The following NAP1L1 variants were observed in gnomAD, a reference collection of about 807,000 sequenced individuals.
The protein encoded by NAP1L1 is nucleosome assembly protein 1 like 1.
A neutral mutation model predicts 58.9 loss-of-function variants in NAP1L1; 9 were observed. The ratio of observed to expected loss-of-function variants is 0.15; its 90% CI spans 0.09 to 0.27. NAP1L1 has a LOEUF of 0.27. Ranked by LOEUF, NAP1L1 falls within the 10% of genes least tolerant of loss-of-function variation. NAP1L1 has a pLI of 1.00. For synonymous variants in NAP1L1, 130 were observed against 138.3 expected, an observed-to-expected ratio of 0.94 and a Z score of 0.42; for missense variants, 302 against 458.8, an observed-to-expected ratio of 0.66 and a Z score of 3.12.
At chr12:76,078,000 A>AAAG (rs1565749698) in intron 1 of NAP1L1, among the ~76,000 whole-genome samples, 5 of 149,100 alleles carry the variant, frequency 3.4e-5, no homozygotes, top group African/African-American at 1.0e-4. Context: ...AAAAAAAAAA[A>AAAG]AGGAAAAGAA....
intron 1 of NAP1L1, among the ~76,000 whole-genome samples, chr12:76,075,694 T>C (rs1360294654): frequency 6.6e-6 from 1 of 152,098 alleles, no homozygotes; most frequent in East Asian, 1.9e-4. Context: ...ATAAGAAAAA[T>C]ACTGAACTCT....
chr12:76,074,286 A>T, intron 1 of NAP1L1, 47 bp from the exon 2 acceptor site: 4 of 1,409,576 alleles, frequency 2.8e-6, no homozygotes, highest in South Asian at 1.5e-5. Flanking sequence ...ATGATTTATT[A>T]AAAAAAAATA....
At chr12:76,070,382 A>G (rs1420504449) in intron 2 of NAP1L1, among the ~76,000 whole-genome samples, 2 of 152,218 alleles carry the variant, frequency 1.3e-5, no homozygotes, top group Admixed American at 6.5e-5. Flanking sequence ...TCCTGGGATT[A>G]CAGGCATAAG....
chr12:76,057,807 AGAG>A (rs755963456), intron 6 of NAP1L1: 23 of 1,550,808 alleles, frequency 1.5e-5, no homozygotes, highest in Middle Eastern at 3.4e-4. Context: ...CAGGGGAAGA[AGAG>A]GAGAAGAAAA....
intron 7 of NAP1L1, 118 bp from the exon 8 acceptor site, chr12:76,055,208 A>G (rs1056870156): frequency 3.2e-6 from 2 of 616,446 alleles, no homozygotes; most frequent in South Asian, 2.7e-5. Flanking sequence ...TTGTATAGCA[A>G]TTATGAACCT....
rs1296514158 is a variant in NAP1L1, at chr12:76,038,945, G to A, written c.*9484C>T. On this transcript the variant is annotated 3_prime_UTR_variant, in exon 15 of 15. Coordinates refer to ENST00000618691, the MANE Select transcript of NAP1L1 (RefSeq NM_004537.7). ...CTAATTTGTGCATGCATGGTTCTGA[G>A]AAAGGTTATCATGCAAAATGAAATA... 6.6e-6 allele frequency: 1 copy of A among 152,108 alleles called. No homozygotes were observed. The highest frequency in any genetic ancestry group is 1.5e-5 in the Non-Finnish European group (1 of 68,028). The allele number at this position is 152,108 out of a possible 1,614,324, so 9.4% of individuals were successfully genotyped here. A position where few individuals can be genotyped will look rare whatever the true frequency, so the allele number is the denominator to read the frequency against.
chr12:76,055,125 TG>T, intron 7 of NAP1L1, 35 bp from the exon 8 acceptor site: 1 of 1,451,304 alleles, frequency 6.9e-7, no homozygotes, highest in Non-Finnish European at 9.5e-7. Context: ...ATGAATAACA[TG>T]GCATTCGAGG....
chr12:76,037,321 T>G lies in NAP1L1; in HGVS notation c.*11108A>C, dbSNP rs1871070216. On this transcript the variant is annotated 3_prime_UTR_variant, in exon 15 of 15. Transcript: ENST00000618691. ...CTAGTGACCAATCTGTGTAACAGCT[T>G]AAAGCAAGTGCTTTATAATGAGTGC... 1 of 152,276 alleles carries G rather than the reference T, an allele frequency of 6.6e-6. No individual in the cohort carries two copies. Among genetic ancestry groups the G allele is most frequent in the Non-Finnish European group, 1.5e-5 (1 of 68,074 alleles). The allele number at this position is 152,276 out of a possible 1,614,324, so 9.4% of individuals were successfully genotyped here.
chr12:76,048,984 C>T, intron 14 of NAP1L1: 1 of 549,170 alleles, frequency 1.8e-6, no homozygotes, highest in Non-Finnish European at 3.2e-6. Context: ...CTATAAAAAG[C>T]ACGAAGTCCA....
intron 8 of NAP1L1, 92 bp downstream of exon 8, chr12:76,054,927 A>G (rs1949010679): frequency 2.3e-6 from 2 of 855,416 alleles, no homozygotes; most frequent in Non-Finnish European, 1.8e-6. Context: ...AAAGAGCACC[A>G]ACCTTACCCT....
Position 76,084,629 on chromosome 12 carries a change from GGCA to G in NAP1L1, c.-86_-84del. The G allele has an allele frequency of 6.5e-6, 1 of 153,908 alleles. No individual in the cohort carries two copies. Among genetic ancestry groups the G allele is most frequent in the Non-Finnish European group, 1.4e-5 (1 of 69,310 alleles). The allele number at this position is 153,908 out of a possible 1,614,324, so 9.5% of individuals were successfully genotyped here. On this transcript the variant is annotated 5_prime_UTR_variant, in exon 1 of 15. Coordinates refer to ENST00000618691, the MANE Select transcript of NAP1L1 (RefSeq NM_004537.7). ...GCAGGCAGTGACTCAGGGCGGCAGC[GGCA>G]GCAGCAGCGGGAGGAGCAGGAGGCG...
At chr12:76,080,810 G>A (rs948416365) in intron 1 of NAP1L1, among the ~76,000 whole-genome samples, 1 of 152,090 alleles carries the variant, frequency 6.6e-6, no homozygotes, top group Non-Finnish European at 1.5e-5. Flanking sequence ...GAGAGATGGG[G>A]GTCTTTAAGA....
rs1404573489 is a variant in NAP1L1 at position 76,074,259 on chromosome 12, T to C, written c.-20-20A>G. ...AAATATCTATGGAGAGAAACATCAA[T>C]GTTAAAAAAAAAGTATATGATTTAT... On this transcript the variant is annotated intron_variant, in intron 1 of 14. Transcript: ENST00000618691. The C allele has an allele frequency of 1.3e-6, 2 of 1,560,036 alleles. No individual in the cohort carries two copies. Among genetic ancestry groups the C allele is most frequent in the Non-Finnish European group, 1.7e-6 (2 of 1,160,152 alleles).
chr12:76,072,019 ACCCTACACTGAAAT>A (rs1949974186), intron 2 of NAP1L1, among the ~76,000 whole-genome samples: 1 of 151,398 alleles, frequency 6.6e-6, no homozygotes, highest in Non-Finnish European at 1.5e-5. Context: ...CACTCTGGTG[ACCCTACACTGAAAT>A]CCCAAATTAA....
intron 1 of NAP1L1, among the ~76,000 whole-genome samples, chr12:76,079,660 G>A (rs1024277376): frequency 6.6e-6 from 1 of 150,824 alleles, no homozygotes; most frequent in African/African-American, 2.4e-5. Flanking sequence ...AGACATAACT[G>A]ACCCTAAAAA....
At position 76,047,036 on chromosome 12, in the gene NAP1L1, G is replaced by A. The variant is rs1948622933; in HGVS notation, c.*1393C>T. The A allele has an allele frequency of 6.6e-6, 1 of 152,434 alleles. No homozygotes were observed. The highest frequency in any genetic ancestry group is 2.4e-5 in the African/African-American group (1 of 41,416). The allele number at this position is 152,434 out of a possible 1,614,324, so 9.4% of individuals were successfully genotyped here. On this transcript the variant is annotated 3_prime_UTR_variant, in exon 15 of 15. Coordinates refer to ENST00000618691, the MANE Select transcript of NAP1L1 (RefSeq NM_004537.7). ...AGCCACACAAAGATCTAAAAAGAGT[G>A]CTGACTGCCCAGATCCAGAACAGAG...
chr12:76,056,382 G>C (rs566845759), intron 6 of NAP1L1: 1 of 459,106 alleles, frequency 2.2e-6, no homozygotes, highest in Non-Finnish European at 3.9e-6. Flanking sequence ...AAGATGTGTA[G>C]GAAAAACCAT....
At position 76,052,276 on chromosome 12, in the gene NAP1L1, C is replaced by A. The variant is rs74609971; in HGVS notation, c.936+815G>T. On this transcript the variant is annotated intron_variant, in intron 11 of 14. Coordinates refer to ENST00000618691, the MANE Select transcript of NAP1L1 (RefSeq NM_004537.7). ...AAACAAACAAACAAACAAAAAAAAA[C>A]CCCAAACTTGAACACAAACTCCAAC... Among the ~76,000 whole-genome samples the A allele has an allele frequency of 4.6e-5, 7 of 151,788 alleles. No individual in the cohort carries two copies. The East Asian group carries it at 5.8e-4, about 13-fold the overall frequency.
In NAP1L1 at chr12:76,046,101, A is replaced by G. The variant is rs1289259149; in HGVS notation, c.*2328T>C. 1.3e-5 allele frequency: 2 copies of G among 151,782 alleles called. No individual in the cohort carries two copies. Among genetic ancestry groups the G allele is most frequent in the Non-Finnish European group, 2.9e-5 (2 of 67,844 alleles). The allele number at this position is 151,782 out of a possible 1,614,324, so 9.4% of individuals were successfully genotyped here. A position where few individuals can be genotyped will look rare whatever the true frequency, so the allele number is the denominator to read the frequency against. ...CACAAAATAGCTCCCTCTAGACATC[A>G]CTACTCTCCACTCTTCAAAAAAAAA... On this transcript the variant is annotated 3_prime_UTR_variant, in exon 15 of 15. Coordinates refer to ENST00000618691, the MANE Select transcript of NAP1L1 (RefSeq NM_004537.7).
Sources: gnomAD v4.1 joint callset for allele counts (sites outside exome capture counted in the v4.1 genomes callset) on GRCh38, gnomAD v4.1.1 for gene constraint, MANE v1.5 for transcripts, NCBI Gene and HGNC (gene_info 2026-07-23, HGNC 2026-07-21) for gene names.